The following DAB1 variants were observed in gnomAD, a reference collection of about 807,000 sequenced individuals.
The protein encoded by DAB1 is DAB adaptor protein 1, also known as disabled homolog 1.
DAB1 carries 15 observed loss-of-function variants against 64.6 expected under a neutral mutation model. The observed-to-expected ratio is 0.23, with a 90% CI of 0.16 to 0.36. The LOEUF is 0.36. Among genes scored for constraint, DAB1 ranks in the 10% least tolerant of loss-of-function variants. DAB1 has a pLI of 1.00. For synonymous variants in DAB1, 235 were observed against 251.9 expected (o/e 0.93, Z 0.64); for missense variants, 596 against 706.7 (o/e 0.84, Z 1.78).
At chr1:57,686,041 G>T (rs1646693449) in intron 6 of DAB1, among the ~76,000 whole-genome samples, 2 of 151,866 alleles carry the variant, frequency 1.3e-5, no homozygotes, top group Admixed American at 1.3e-4. Flanking sequence ...GCTAGCAAAA[G>T]AGAATAAATA....
At chr1:58,210,340 T>C (rs1658494238) in intron 4 of DAB1, among the ~76,000 whole-genome samples, 1 of 152,172 alleles carries the variant, frequency 6.6e-6, no homozygotes, top group Non-Finnish European at 1.5e-5. Flanking sequence ...CATAAAACTG[T>C]CAGCAGATCT....
chr1:58,184,783 T>C (rs1228727843), intron 4 of DAB1, among the ~76,000 whole-genome samples: 1 of 152,202 alleles, frequency 6.6e-6, no homozygotes, highest in Non-Finnish European at 1.5e-5. Flanking sequence ...AAAGTTGTTA[T>C]TTGTTATGTA....
chr1:57,152,264 G>A (rs1313457639), intron 2 of DAB1, among the ~76,000 whole-genome samples: 1 of 152,196 alleles, frequency 6.6e-6, no homozygotes, highest in Non-Finnish European at 1.5e-5. Flanking sequence ...TTCCTACTTG[G>A]CTCAGAGGAA....
intron 9 of DAB1, among the ~76,000 whole-genome samples, chr1:57,054,540 C>A (rs1175656782): frequency 7.6e-6 from 1 of 131,408 alleles, no homozygotes; most frequent in Non-Finnish European, 1.5e-5. Flanking sequence ...TGCAGTGGTG[C>A]AATTTCCGCT....
intron 3 of DAB1, among the ~76,000 whole-genome samples, chr1:58,383,102 A>C (rs1351631875): frequency 6.6e-6 from 1 of 152,226 alleles, no homozygotes; most frequent in Non-Finnish European, 1.5e-5. Context: ...CTATACATAA[A>C]GTATTTTCAC....
intron 2 of DAB1, among the ~76,000 whole-genome samples, chr1:57,273,537 G>A (rs1480781562): frequency 1.7e-5 from 1 of 60,156 alleles, no homozygotes; most frequent in Non-Finnish European, 3.3e-5. Context: ...CTGCCTGCCT[G>A]CCTGCCTGCC....
intron 6 of DAB1, among the ~76,000 whole-genome samples, chr1:57,796,913 C>T (rs1237224445): frequency 6.6e-6 from 1 of 152,116 alleles, no homozygotes; most frequent in East Asian, 1.9e-4. Flanking sequence ...TCTCCTGCAG[C>T]CTATTGTGAT....
At chr1:58,246,831 ACT>A (rs983231120) in intron 4 of DAB1, among the ~76,000 whole-genome samples, 10 of 150,816 alleles carry the variant, frequency 6.6e-5, no homozygotes, top group South Asian at 4.2e-4. Flanking sequence ...GGTGTGTGTG[ACT>A]CTGTGTGTGA....
At chr1:57,854,014 A>C (rs1454111776) in intron 1 of DAB1, among the ~76,000 whole-genome samples, 1 of 151,362 alleles carries the variant, frequency 6.6e-6, no homozygotes, top group Non-Finnish European at 1.5e-5. Context: ...ACATATATAG[A>C]GTAAATATTA....
At position 58,538,703 on chromosome 1, in the gene DAB1, A is replaced by G. The variant is rs915165445; in HGVS notation, n.32+8000T>C. ...TCTTTAAAAGTACAGTTTTATAAATAAAAAAATTAATTTCTAAAAGTTAAT... is the reference window on the plus strand; with the variant it reads ...TCTTTAAAAGTACAGTTTTATAAATGAAAAAATTAATTTCTAAAAGTTAAT... On this transcript the variant is annotated intron_variant and non_coding_transcript_variant, in intron 1 of 20. Transcript: ENST00000485760. 4.1e-5 allele frequency: 24 copies of G among 587,950 alleles called. No homozygotes were observed. In the African/African-American group the frequency reaches 4.2e-4, roughly 10 times the overall value. 36.4% of individuals were successfully genotyped at this position (587,950 alleles called of 1,614,324 possible). A position where few individuals can be genotyped will look rare whatever the true frequency, so the allele number is the denominator to read the frequency against.
At chr1:57,921,805 G>A (rs888015115) in intron 5 of DAB1, among the ~76,000 whole-genome samples, 4 of 151,674 alleles carry the variant, frequency 2.6e-5, no homozygotes, top group African/African-American at 7.3e-5. Context: ...TTTATCTAAC[G>A]CAGTAACAAA....
At chr1:57,554,352 G>C (rs1005485453) in intron 7 of DAB1, among the ~76,000 whole-genome samples, 6 of 152,212 alleles carry the variant, frequency 3.9e-5, no homozygotes, top group African/African-American at 1.4e-4. Flanking sequence ...TCCTAGCTTT[G>C]TGTTACTTAC....
At chr1:57,508,876 ATATAAAACACATTTATATATACT>A (rs1273044371) in intron 7 of DAB1, among the ~76,000 whole-genome samples, 1 of 152,094 alleles carries the variant, frequency 6.6e-6, no homozygotes, top group Non-Finnish European at 1.5e-5. Context: ...GCATACACAT[ATATAAAACACATTTATATATACT>A]TATAAAACAT....
chr1:58,536,064 A>G (rs1180468301), intron 1 of DAB1, among the ~76,000 whole-genome samples: 1 of 152,174 alleles, frequency 6.6e-6, no homozygotes, highest in Non-Finnish European at 1.5e-5. Flanking sequence ...AATTATGCAA[A>G]TAATTATGTT....
chr1:58,522,712 T>A (rs1646284098), intron 2 of DAB1, among the ~76,000 whole-genome samples: 1 of 152,242 alleles, frequency 6.6e-6, no homozygotes, highest in Non-Finnish European at 1.5e-5. Flanking sequence ...AGTAACACAG[T>A]AAATTAACAT....
chr1:57,025,247 C>T (rs1309887317), intron 10 of DAB1, among the ~76,000 whole-genome samples: 1 of 152,204 alleles, frequency 6.6e-6, no homozygotes, highest in Non-Finnish European at 1.5e-5. Context: ...ATGCATCCAG[C>T]ACTGGGATTC....
At chr1:57,797,545 T>C (rs1187949354) in intron 6 of DAB1, among the ~76,000 whole-genome samples, 1 of 152,226 alleles carries the variant, frequency 6.6e-6, no homozygotes, top group Non-Finnish European at 1.5e-5. Context: ...ACTCAAAGCA[T>C]TTTTAGTGTT....
chr1:57,228,564 A>G (rs1263797484), intron 2 of DAB1, among the ~76,000 whole-genome samples: 1 of 152,234 alleles, frequency 6.6e-6, no homozygotes. Context: ...AAAATGTGTG[A>G]CAATACTAAA....
chr1:57,626,379 C>A (rs2101622560), intron 7 of DAB1, among the ~76,000 whole-genome samples: 1 of 152,314 alleles, frequency 6.6e-6, no homozygotes, highest in Admixed American at 6.5e-5. Context: ...TGACCATACT[C>A]ACACCACAGA....
Sources: gnomAD v4.1 joint callset for allele counts (sites outside exome capture counted in the v4.1 genomes callset) on GRCh38, gnomAD v4.1.1 for gene constraint, MANE v1.5 for transcripts, NCBI Gene and HGNC (gene_info 2026-07-23, HGNC 2026-07-21) for gene names.